Variants in RPTOR observed in about 807,000 individuals in gnomAD.
RPTOR encodes the protein regulatory-associated protein of mTOR.
RPTOR carries 21 observed loss-of-function variants against 169.9 expected under a neutral mutation model. The ratio of observed to expected loss-of-function variants is 0.12; its 90% CI spans 0.09 to 0.18. The LOEUF is 0.18. Ranked by LOEUF, RPTOR falls within the 10% of genes least tolerant of loss-of-function variation. RPTOR has a pLI of 1.00. For missense variants in RPTOR, 1,133 were observed against 1,855.9 expected, an observed-to-expected ratio of 0.61 and a Z score of 7.16; for synonymous variants, 732 against 753.2, an observed-to-expected ratio of 0.97 and a Z score of 0.46.
intron 2 of RPTOR, among the ~76,000 whole-genome samples, chr17:80,635,349 C>T: frequency 6.6e-6 from 1 of 152,220 alleles, no homozygotes; most frequent in East Asian, 1.9e-4. Flanking sequence ...AGACAGATGC[C>T]AGCTTTGCCC....
chr17:80,923,176 C>T (rs1567988832), intron 22 of RPTOR, among the ~76,000 whole-genome samples: 1 of 152,246 alleles, frequency 6.6e-6, no homozygotes, highest in Non-Finnish European at 1.5e-5. Flanking sequence ...GGACGTGGCA[C>T]TGCTGTGTGC....
intron 3 of RPTOR, among the ~76,000 whole-genome samples, chr17:80,685,627 A>ATATATTTT (rs1269766086): frequency 3.3e-5 from 1 of 30,698 alleles, no homozygotes; most frequent in Non-Finnish European, 5.4e-5. Flanking sequence ...ATATATATAT[A>ATATATTTT]TTTTTTTTTT....
At chr17:80,881,150 A>C (rs1041852559) in intron 14 of RPTOR, among the ~76,000 whole-genome samples, 1 of 152,258 alleles carries the variant, frequency 6.6e-6, no homozygotes, top group African/African-American at 2.4e-5. Context: ...TAAACATATT[A>C]GCTAGTTTAC....
At chr17:80,765,806 G>T (rs1653875843) in intron 6 of RPTOR, among the ~76,000 whole-genome samples, 1 of 152,110 alleles carries the variant, frequency 6.6e-6, no homozygotes, top group Admixed American at 6.6e-5. Flanking sequence ...CTAAATAGAG[G>T]TTACCACGAC....
At chr17:80,716,551 G>A (rs191768425) in intron 4 of RPTOR, among the ~76,000 whole-genome samples, 4 of 152,112 alleles carry the variant, frequency 2.6e-5, no homozygotes, top group East Asian at 1.9e-4. Context: ...TCCTTTTGCC[G>A]TGCAAAAGGC....
At chr17:80,578,802 C>A (rs1320226904) in intron 1 of RPTOR, among the ~76,000 whole-genome samples, 1 of 152,148 alleles carries the variant, frequency 6.6e-6, no homozygotes, top group African/African-American at 2.4e-5. Context: ...AGGGACACAG[C>A]CTGGCGCTTG....
intron 7 of RPTOR, among the ~76,000 whole-genome samples, chr17:80,800,925 T>G (rs142126946): frequency 8.5e-5 from 13 of 152,284 alleles, no homozygotes; most frequent in Middle Eastern, 3.4e-3. Flanking sequence ...TCCATTGTCG[T>G]GAATAAGTGA....
chr17:80,703,665 A>G (rs924180928), intron 3 of RPTOR, among the ~76,000 whole-genome samples: 8 of 152,166 alleles, frequency 5.3e-5, no homozygotes, highest in Admixed American at 3.3e-4. Context: ...CCCTGGAGGT[A>G]GGAAAATGCA....
chr17:80,853,930 G>A (rs950118905), intron 11 of RPTOR, among the ~76,000 whole-genome samples: 12 of 151,638 alleles, frequency 7.9e-5, no homozygotes, highest in African/African-American at 2.2e-4. Flanking sequence ...GCAGTGAGCC[G>A]AGATTGCGCC....
chr17:80,780,292 T>C (rs894401693), intron 6 of RPTOR, among the ~76,000 whole-genome samples: 5 of 151,912 alleles, frequency 3.3e-5, no homozygotes, highest in African/African-American at 1.2e-4. Context: ...ACTGGAGCCG[T>C]CGGTGGAGAA....
chr17:80,599,381 A>G (rs527385945), intron 1 of RPTOR, among the ~76,000 whole-genome samples: 7 of 152,296 alleles, frequency 4.6e-5, no homozygotes, highest in East Asian at 1.9e-4. Context: ...CTGTGAGCAT[A>G]ATGAAATGAT....
chr17:80,649,776 G>A (rs141141762), intron 3 of RPTOR, among the ~76,000 whole-genome samples: 123 of 152,226 alleles, frequency 8.1e-4, no homozygotes, highest in Middle Eastern at 3.4e-3. Flanking sequence ...CTCCCACTTC[G>A]TCTTCCCTCC....
rs185606494 is a variant in RPTOR at position 80,958,572 on chromosome 17, A to G, written c.3477+842A>G. 2.1e-4 allele frequency among the ~76,000 whole-genome samples: 32 copies of G among 151,014 alleles called. No individual in the cohort carries two copies. The South Asian group carries it at 2.5e-3, about 12-fold the overall frequency. ...ACTACAAGCGCCCACCACCACGCCCAGCTAATTTTTTTTTTGTATTTTTAG... is the reference window on the plus strand; with the variant it reads ...ACTACAAGCGCCCACCACCACGCCCGGCTAATTTTTTTTTTGTATTTTTAG... On this transcript the variant is annotated intron_variant, in intron 29 of 33. Coordinates refer to ENST00000306801, the MANE Select transcript of RPTOR (RefSeq NM_020761.3).
chr17:80,743,785 C>T (rs536808699), intron 5 of RPTOR, among the ~76,000 whole-genome samples: 12,263 of 59,570 alleles, frequency 0.21, 1,550 homozygotes, highest in East Asian at 0.39. Flanking sequence ...ACTAGCAGAG[C>T]CCTGGCTACT....
chr17:80,822,427 G>A (rs2067389608), intron 8 of RPTOR, 126 bp downstream of exon 8: 11 of 958,254 alleles, frequency 1.1e-5, no homozygotes, highest in Non-Finnish European at 1.8e-5. Flanking sequence ...GACAGTGGGA[G>A]GGGCTGAAAA....
intron 11 of RPTOR, among the ~76,000 whole-genome samples, chr17:80,853,501 G>A (rs1057427931): frequency 6.6e-6 from 1 of 152,176 alleles, no homozygotes; most frequent in Non-Finnish European, 1.5e-5. Context: ...TGAAGGATGG[G>A]TGAGGTGGTC....
chr17:80,561,606 AT>A (rs964373286), intron 1 of RPTOR, among the ~76,000 whole-genome samples: 1 of 150,508 alleles, frequency 6.6e-6, no homozygotes, highest in Non-Finnish European at 1.5e-5. Context: ...TGATTTTTGT[AT>A]TTTTTTGTAG....
intron 3 of RPTOR, among the ~76,000 whole-genome samples, chr17:80,674,780 T>C (rs2065848211): frequency 1.0e-5 from 1 of 96,812 alleles, no homozygotes; most frequent in Admixed American, 1.7e-4. Context: ...AGAGCAAGAC[T>C]CTGTCTCAAA....
intron 20 of RPTOR, among the ~76,000 whole-genome samples, chr17:80,894,820 CA>C (rs1188310798): frequency 6.6e-6 from 1 of 152,156 alleles, no homozygotes; most frequent in Non-Finnish European, 1.5e-5. Flanking sequence ...GGTCGAGCCC[CA>C]GACCCTACCC....
Sources: allele counts gnomAD v4.1 joint callset (sites outside exome capture counted in the v4.1 genomes callset), GRCh38; gene constraint gnomAD v4.1.1; transcripts MANE v1.5; gene names NCBI Gene and HGNC (gene_info 2026-07-23, HGNC 2026-07-21).